The following WDR86 variants were observed in gnomAD, a reference collection of about 807,000 sequenced individuals.
The protein encoded by WDR86 is WD repeat-containing protein 86.
A neutral mutation model predicts 36.5 loss-of-function variants in WDR86; 30 were observed. The observed-to-expected ratio is 0.82, with a 90% CI of 0.61 to 1.11. The LOEUF is 1.11. WDR86 is among the 50% of genes most tolerant of loss of function. WDR86 has a pLI of 0.00. For synonymous variants in WDR86, 255 were observed against 252.9 expected (o/e 1.01, Z -0.08); for missense variants, 545 against 561.2 (o/e 0.97, Z 0.29).
chr7:151,376,535 G>A (rs1798265534), downstream of WDR86: 1 of 1,156,446 alleles, frequency 8.6e-7, no homozygotes, highest in Non-Finnish European at 1.2e-6. Context: ...CACGCCGGGA[G>A]CTCTTAAACA....
At chr7:151,386,046 C>T (rs371765748) in intron 3 of WDR86, among the ~76,000 whole-genome samples, 1 of 152,164 alleles carries the variant, frequency 6.6e-6, no homozygotes, top group African/African-American at 2.4e-5. Flanking sequence ...AGGAGACAGG[C>T]GCAGGCTTCA....
At chr7:151,393,203 G>A (rs923256519) in intron 3 of WDR86, among the ~76,000 whole-genome samples, 2 of 152,222 alleles carry the variant, frequency 1.3e-5, no homozygotes, top group Non-Finnish European at 2.9e-5. Flanking sequence ...GTTCACACGT[G>A]TGTTCACACG....
rs1801025315 is a variant in WDR86 at position 151,409,450 on chromosome 7, C to A, written c.140G>T (p.Gly47Val). The stretch of plus-strand genomic sequence containing the variant: ...ACCTTGCAGGAGCGCGCAGCACTGG[C>A]CGTCCGCGGTGCTCCAGAGCCGGGC... Reference protein sequence around the residue: ...GTARLWSTADGQCCALLQGHE... With the variant: ...GTARLWSTADVQCCALLQGHE... Residue 47 changes from glycine to valine, a missense_variant, in exon 1 of 6, where the codon GGC becomes GTC. Gly to Val is a moderately radical substitution (Grantham distance 109). Transcript: ENST00000334493. This position sits in a 1 kb window ranked among gnomAD's most constrained non-coding sequence, Gnocchi z 5.2. The A allele has an allele frequency of 4.5e-6, 7 of 1,545,108 alleles. No homozygotes were observed. The highest frequency in any genetic ancestry group is 1.9e-5 in the Admixed American group (1 of 51,730).
downstream of WDR86, chr7:151,376,753 G>T: frequency 1.3e-6 from 2 of 1,595,970 alleles, no homozygotes; most frequent in Non-Finnish European, 1.7e-6. Flanking sequence ...CTCCCGAGCT[G>T]CCGCTGTCGC....
downstream of WDR86, chr7:151,376,721 G>A: frequency 6.2e-7 from 1 of 1,606,874 alleles, no homozygotes; most frequent in Non-Finnish European, 8.5e-7. Context: ...CCAGACCCTT[G>A]CTCACAACGG....
chr7:151,381,389 C>A lies in WDR86; in HGVS notation c.*193G>T. On this transcript the variant is annotated 3_prime_UTR_variant, in exon 6 of 6. Coordinates refer to ENST00000334493, the MANE Select transcript of WDR86 (RefSeq NM_198285.3). This position sits in a 1 kb window ranked among gnomAD's most constrained non-coding sequence, Gnocchi z 4.8. ...AGGGAAAAGGGGGCGGTCCCCAGGG[C>A]GAGCACTCCCGCTCCCAGCGCCTCC... is the stretch of plus-strand genomic sequence containing the variant. 6.8e-7 allele frequency: 1 copy of A among 1,463,252 alleles called. No individual in the cohort carries two copies. Among genetic ancestry groups the A allele is most frequent in the South Asian group, 1.3e-5 (1 of 75,766 alleles). The allele number at this position is 1,463,252 out of a possible 1,614,324, so 90.6% of individuals were successfully genotyped here. A position where few individuals can be genotyped will look rare whatever the true frequency, so the allele number is the denominator to read the frequency against.
chr7:151,409,316 G>A lies in WDR86; in HGVS notation c.163+111C>T. 6.8e-7 allele frequency: 1 copy of A among 1,475,166 alleles called. No homozygotes were observed. Among genetic ancestry groups the A allele is most frequent in the South Asian group, 1.3e-5 (1 of 79,514 alleles). The allele number at this position is 1,475,166 out of a possible 1,614,324, so 91.4% of individuals were successfully genotyped here. The stretch of plus-strand genomic sequence containing the variant: ...CGCTCTTCCGCTAGTGTGCCGGGAT[G>A]AGCGGGGGCTGGACTTCTAGAAAGG... On this transcript the variant is annotated intron_variant, in intron 1 of 5. Transcript: ENST00000334493. The surrounding 1 kb of genome is among the most constrained non-coding windows in gnomAD (Gnocchi z 5.2).
downstream of WDR86, chr7:151,376,863 C>A: frequency 6.6e-7 from 1 of 1,523,998 alleles, no homozygotes; most frequent in Non-Finnish European, 8.9e-7. Context: ...TCTTCAGAAG[C>A]CAACAGATGT....
In WDR86 at chr7:151,400,826, A is replaced by G. The variant is rs148978539; in HGVS notation, c.164-585T>C. ...ATGGCGACTGCGCCGTCAACACAAT[A>G]AGCCCCAGCATTCGCACTGCAGGCA... On this transcript the variant is annotated intron_variant, in intron 1 of 5. Coordinates refer to ENST00000334493, the MANE Select transcript of WDR86 (RefSeq NM_198285.3). 2.6e-4 allele frequency among the ~76,000 whole-genome samples: 39 copies of G among 152,312 alleles called. 1 individual carries two copies. In the East Asian group the frequency reaches 5.0e-3, roughly 20 times the overall value.
chr7:151,381,879 T>C lies in WDR86; in HGVS notation c.965A>G (p.Gln322Arg), dbSNP rs769372655. 6.2e-7 allele frequency: 1 copy of C among 1,606,256 alleles called. No individual in the cohort carries two copies. The highest frequency in any genetic ancestry group is 8.5e-7 in the Non-Finnish European group (1 of 1,177,396). ...RGHTFIINCIQVHGQVLYTAS... is the reference protein window; with the variant it reads ...RGHTFIINCIRVHGQVLYTAS... ...CCCGAGAAGGGCAGAGGGACCTACC[T>C]GGATGCAGTTGATGATGAATGTGTG... The change falls in exon 5 of 6, where the codon CAG becomes CGG. Residue 322 changes from glutamine (Q) to arginine (R), a missense_variant and splice_region_variant. Gln to Arg is a conservative substitution (Grantham distance 43, BLOSUM62 1). Transcript: ENST00000334493. This position sits in a 1 kb window ranked among gnomAD's most constrained non-coding sequence, Gnocchi z 4.8.
rs781008255 is a variant in WDR86, at chr7:151,381,951, C to T, written c.893G>A (p.Arg298Gln). The T allele has an allele frequency of 9.3e-6, 15 of 1,607,316 alleles. No homozygotes were observed. Among genetic ancestry groups the T allele is most frequent in the East Asian group, 4.5e-5 (2 of 44,514 alleles). ...LFTGSGDACA[R>Q]AFDAQSGELR... is the part of the protein sequence containing the mutation. ...CTCTCCAGACTGCGCGTCGAAGGCCCGGGCGCAAGCGTCCCCGCTGCCCGT... is the reference window on the plus strand; with the variant it reads ...CTCTCCAGACTGCGCGTCGAAGGCCTGGGCGCAAGCGTCCCCGCTGCCCGT... Residue 298 changes from arginine (R) to glutamine (Q), a missense_variant, in exon 5 of 6, where the codon CGG becomes CAG. By Grantham distance (43) the Arg-to-Gln change is conservative. Transcript: ENST00000334493. This position sits in a 1 kb window ranked among gnomAD's most constrained non-coding sequence, Gnocchi z 4.8.
downstream of WDR86, among the ~76,000 whole-genome samples, chr7:151,373,172 G>A (rs537230768): frequency 2.0e-5 from 3 of 152,254 alleles, no homozygotes; most frequent in South Asian, 4.1e-4. Context: ...TTTCTCCCCC[G>A]TCCTCGCTGC....
At chr7:151,389,393 G>A (rs1394969812) in intron 3 of WDR86, among the ~76,000 whole-genome samples, 1 of 152,200 alleles carries the variant, frequency 6.6e-6, no homozygotes, top group African/African-American at 2.4e-5. Flanking sequence ...AGCCTGACCT[G>A]TGTGATGTGA....
At chr7:151,382,059 A>G (rs1468912258) in intron 4 of WDR86, 78 bp from the exon 5 acceptor site, 3 of 1,334,032 alleles carry the variant, frequency 2.2e-6, no homozygotes, top group East Asian at 2.5e-5. Flanking sequence ...CGAGAGCGTG[A>G]CCTGGGGCGT....
chr7:151,400,218 A>T lies in WDR86; in HGVS notation c.187T>A (p.Cys63Ser). ...LQGHESYVTF[C>S]QLEDEAAFTC... Reference sequence around the variant, plus strand: ...AAGGCAGCCTCATCCTCCAGCTGGCAGAAGGTCACATAGCTTTCATGTCCT... The same window carrying T: ...AAGGCAGCCTCATCCTCCAGCTGGCTGAAGGTCACATAGCTTTCATGTCCT... The change falls in exon 2 of 6, where the codon TGC (cysteine) becomes AGC (serine). Residue 63 changes from cysteine to serine, a missense_variant. By Grantham distance (112) the Cys-to-Ser change is moderately radical. Coordinates refer to ENST00000334493, the MANE Select transcript of WDR86 (RefSeq NM_198285.3). 1 of 1,610,538 alleles carries T rather than the reference A, an allele frequency of 6.2e-7. No individual in the cohort carries two copies. Among genetic ancestry groups the T allele is most frequent in the Non-Finnish European group, 8.5e-7 (1 of 1,178,388 alleles).
At position 151,390,106 on chromosome 7, in the gene WDR86, G is replaced by A. The variant is rs76836187; in HGVS notation, c.727-4883C>T. ...ATCCAAATGCAAGAGAGCGTGGGGT[G>A]TAATGGCCAGCCCTGGTGCCACGAA... On this transcript the variant is annotated intron_variant, in intron 3 of 5. Coordinates refer to ENST00000334493, the MANE Select transcript of WDR86 (RefSeq NM_198285.3). The surrounding 1 kb of genome is among the most constrained non-coding windows in gnomAD (Gnocchi z 4.5). Among the ~76,000 whole-genome samples the A allele has an allele frequency of 9.2e-5, 14 of 152,254 alleles. No individual in the cohort carries two copies. The East Asian group carries it at 2.3e-3, about 25-fold the overall frequency.
downstream of WDR86, among the ~76,000 whole-genome samples, chr7:151,370,930 T>C (rs1479737955): frequency 1.3e-5 from 2 of 152,130 alleles, no homozygotes; most frequent in South Asian, 2.1e-4. Context: ...CATAAAACAT[T>C]GTCACACTCA....
At chr7:151,408,761 C>T (rs1307629822) in intron 1 of WDR86, 1 of 397,820 alleles carries the variant, frequency 2.5e-6, no homozygotes, top group Non-Finnish European at 5.3e-6. Flanking sequence ...ACCCGAGGCA[C>T]ACTGACCTCC....
At chr7:151,404,885 G>A (rs550194859) in intron 1 of WDR86, among the ~76,000 whole-genome samples, 2 of 152,142 alleles carry the variant, frequency 1.3e-5, no homozygotes, top group Non-Finnish European at 2.9e-5. Flanking sequence ...GGTCTCTGCC[G>A]GCGGTGGGCT....
Sources: allele counts gnomAD v4.1 joint callset (sites outside exome capture counted in the v4.1 genomes callset), GRCh38; gene constraint gnomAD v4.1.1; non-coding constraint Gnocchi (gnomAD v3.1); transcripts MANE v1.5; gene names NCBI Gene and HGNC (gene_info 2026-07-23, HGNC 2026-07-21).